The following MVB12A variants were observed in gnomAD, a reference collection of about 807,000 sequenced individuals.
MVB12A encodes multivesicular body subunit 12A, also known as CIN85/CD2AP family binding protein.
Under a neutral mutation model 34.3 loss-of-function variants are expected in MVB12A, and 30 were observed. The observed-to-expected ratio is 0.88, with a 90% CI of 0.65 to 1.19. MVB12A has a LOEUF of 1.19. Ranked by LOEUF, MVB12A falls within the 50% of genes most tolerant of loss-of-function variation. The pLI is 0.00. For missense variants in MVB12A, 355 were observed against 369.2 expected, an observed-to-expected ratio of 0.96 and a Z score of 0.31; for synonymous variants, 158 against 158.9, an observed-to-expected ratio of 0.99 and a Z score of 0.04.
At chr19:17,422,203 C>T (rs1486518842) in intron 3 of MVB12A, 129 bp from the exon 4 acceptor site, 4 of 753,818 alleles carry the variant, frequency 5.3e-6, no homozygotes, top group African/African-American at 3.5e-5. Context: ...CTCCTCCCAC[C>T]CCCATCCCCA....
chr19:17,424,305 G>A (rs1403346813), intron 7 of MVB12A, among the ~76,000 whole-genome samples: 1 of 152,166 alleles, frequency 6.6e-6, no homozygotes, highest in Non-Finnish European at 1.5e-5. Context: ...AGGGATGCTG[G>A]GCATGGTGGC....
intron 2 of MVB12A, among the ~76,000 whole-genome samples, chr19:17,407,285 C>T (rs569123572): frequency 1.2e-4 from 18 of 152,168 alleles, no homozygotes; most frequent in East Asian, 5.8e-4. Flanking sequence ...TCCCTGTGTG[C>T]GGCGACGAGA....
intron 2 of MVB12A, among the ~76,000 whole-genome samples, chr19:17,410,531 CACACACACATATATATAT>C (rs2074760543): frequency 4.0e-5 from 2 of 49,714 alleles, no homozygotes; most frequent in East Asian, 5.1e-4. Flanking sequence ...TATATATATA[CACACACACATATATATAT>C]ACACACACAT....
At chr19:17,406,021 C>CT (rs1568385754) in intron 1 of MVB12A, 4 of 156,398 alleles carry the variant, frequency 2.6e-5, no homozygotes, top group African/African-American at 9.7e-5. Context: ...GAGGGCAGGG[C>CT]CTGGGTCTGG....
chr19:17,422,333 G>C lies in MVB12A; in HGVS notation c.288G>C (p.Lys96Asn), dbSNP rs747015156. 5 of 1,610,534 alleles carry C rather than the reference G, an allele frequency of 3.1e-6. No homozygotes were observed. Among genetic ancestry groups the C allele is most frequent in the Non-Finnish European group, 4.2e-6 (5 of 1,177,970 alleles). Residue 96 changes from lysine (K) to asparagine (N), a missense_variant and splice_region_variant, in exon 4 of 9, where the codon AAG becomes AAC. Physicochemically the swap from Lys to Asn is moderately conservative, Grantham distance 94. Coordinates refer to ENST00000317040, the MANE Select transcript of MVB12A (RefSeq NM_138401.4). Reference sequence around the variant, plus strand: ...CACTCCCCTACCCCCCACTCCCAGAGGCCTCTGTGTCCAAGAAGAAACGCA... The same window carrying C: ...CACTCCCCTACCCCCCACTCCCAGACGCCTCTGTGTCCAAGAAGAAACGCA... ...FSPVCDPMDS[K>N]ASVSKKKRMC... is the part of the protein sequence containing the mutation.
rs2074855501 is a variant in MVB12A, at chr19:17,424,060, GC to G, written c.700del (p.Leu234TrpfsTer9). 1 of 1,614,060 alleles carries G rather than the reference GC, an allele frequency of 6.2e-7. No individual in the cohort carries two copies. The highest frequency in any genetic ancestry group is 8.5e-7 in the Non-Finnish European group (1 of 1,179,988). ...CCACGATTTGAGGGCAAGAGCTGCA[GC>G]CCCCTGGTGAGTCGGGGTCTCAGGG... ...LHPRFEGKSC[S>X]PLAFSAFGDL... On this transcript the variant is annotated frameshift_variant, in exon 7 of 9. Transcript: ENST00000317040. LOFTEE classifies it high-confidence loss of function.
At chr19:17,420,016 C>CTCCCCCCCA (rs1555735860), upstream of MVB12A, 7 of 291,422 alleles carry the variant, frequency 2.4e-5, no homozygotes, top group South Asian at 3.7e-4. Flanking sequence ...GCAATCTCCG[C>CTCCCCCCCA]CCCCCCCCCC....
At chr19:17,419,649 C>G (rs1256126385), upstream of MVB12A, 1 of 152,680 alleles carries the variant, frequency 6.5e-6, no homozygotes, top group South Asian at 2.0e-4. Flanking sequence ...GTCTCGATCT[C>G]TTGACCTCAT....
chr19:17,423,982 C>T, intron 6 of MVB12A, 24 bp from the exon 7 acceptor site: 4 of 1,613,592 alleles, frequency 2.5e-6, no homozygotes, highest in Non-Finnish European at 3.4e-6. Context: ...CACCTCACCT[C>T]CTCCCCTCGC....
intron 2 of MVB12A, among the ~76,000 whole-genome samples, chr19:17,413,897 G>T (rs10413817): frequency 0.038 from 5,792 of 152,276 alleles, 175 homozygotes; most frequent in African/African-American, 0.085. Context: ...GGACTTGACT[G>T]CAGGCTTTCC....
intron 3 of MVB12A, chr19:17,420,972 G>A (rs1417381680): frequency 3.9e-6 from 2 of 518,334 alleles, no homozygotes; most frequent in African/African-American, 1.9e-5. Context: ...CTTTGCACAC[G>A]CCGCTTCCTC....
intron 2 of MVB12A, 54 bp from the exon 3 acceptor site, chr19:17,420,484 G>A: frequency 1.3e-6 from 2 of 1,588,848 alleles, no homozygotes; most frequent in Non-Finnish European, 1.7e-6. Flanking sequence ...CCCTATGCCA[G>A]GTGCGCTGTC....
chr19:17,421,698 T>C (rs2074839589), intron 3 of MVB12A, among the ~76,000 whole-genome samples: 1 of 151,936 alleles, frequency 6.6e-6, no homozygotes, highest in South Asian at 2.1e-4. Flanking sequence ...TCCCAGCACT[T>C]TGGGAGCCTG....
chr19:17,423,400 T>G, intron 4 of MVB12A, 98 bp from the exon 5 acceptor site: 15 of 1,297,878 alleles, frequency 1.2e-5, no homozygotes, highest in East Asian at 2.5e-5. Context: ...AAGACAGAGG[T>G]CACCTGCATG....
chr19:17,417,901 C>CA, upstream of MVB12A: 1 of 238,110 alleles, frequency 4.2e-6, no homozygotes. Flanking sequence ...CTTCTTCTTC[C>CA]TTTTTTTTTT....
intron 8 of MVB12A, 125 bp from the exon 9 acceptor site, chr19:17,424,806 C>A: frequency 7.5e-7 from 1 of 1,331,630 alleles, no homozygotes; most frequent in Non-Finnish European, 1.0e-6. Flanking sequence ...CAGACACACA[C>A]CATCTCTCCA....
At chr19:17,408,203 C>T (rs1421405454) in intron 2 of MVB12A, among the ~76,000 whole-genome samples, 1 of 151,894 alleles carries the variant, frequency 6.6e-6, no homozygotes, top group Non-Finnish European at 1.5e-5. Context: ...CAGCTCGTGT[C>T]CTCAGTCTCT....
At chr19:17,417,765 G>A, upstream of MVB12A, 9 of 224,918 alleles carry the variant, frequency 4.0e-5, no homozygotes. Flanking sequence ...CCCGATCCTA[G>A]TGTACTTTAT....
Position 17,411,961 on chromosome 19 carries a change from G to A in MVB12A, c.-5+5665G>A, listed in dbSNP as rs138186686. 6.0e-3 allele frequency among the ~76,000 whole-genome samples: 912 copies of A among 152,326 alleles called. 1 individual carries two copies. The highest frequency in any genetic ancestry group is 0.01 in the Non-Finnish European group (684 of 68,020). ...GCCTGTAGGAAGTCGCTGGCCCCAGGGCGCTCAGCGGGTGGGGGCGATTCT... is the reference window on the plus strand; with the variant it reads ...GCCTGTAGGAAGTCGCTGGCCCCAGAGCGCTCAGCGGGTGGGGGCGATTCT... On this transcript the variant is annotated intron_variant, in intron 2 of 6. Transcript: ENST00000528604.
Sources: allele counts gnomAD v4.1 joint callset (sites outside exome capture counted in the v4.1 genomes callset), GRCh38; gene constraint gnomAD v4.1.1; transcripts MANE v1.5; gene names NCBI Gene and HGNC (gene_info 2026-07-23, HGNC 2026-07-21).